Variants in KCNIP4 observed in about 807,000 individuals in gnomAD.
The protein encoded by KCNIP4 is Kv channel-interacting protein 4.
KCNIP4 carries 12 observed loss-of-function variants against 34.0 expected under a neutral mutation model. That is an observed-to-expected ratio of 0.35 (90% CI 0.23 to 0.57). The LOEUF (loss-of-function observed/expected upper bound fraction) is 0.57, where lower values mean the gene tolerates loss of function less well. Among genes scored for constraint, KCNIP4 ranks in the 20% least tolerant of loss-of-function variants. The pLI, the probability that KCNIP4 is intolerant of heterozygous loss-of-function variation, is 0.83. For missense variants in KCNIP4, 238 were observed against 311.7 expected, an observed-to-expected ratio of 0.76 and a Z score of 1.78; for synonymous variants, 124 against 102.2, an observed-to-expected ratio of 1.21 and a Z score of -1.29.
chr4:20,923,919 G>A (rs1439853852), intron 1 of KCNIP4, among the ~76,000 whole-genome samples: 1 of 151,886 alleles, frequency 6.6e-6, no homozygotes, highest in Non-Finnish European at 1.5e-5. Flanking sequence ...GTATATGTGT[G>A]GTGGCTTGTC....
At chr4:20,772,628 TTC>T (rs10582045) in intron 3 of KCNIP4, among the ~76,000 whole-genome samples, 58,640 of 151,094 alleles carry the variant, frequency 0.39, 12,002 homozygotes, top group Admixed American at 0.5. Flanking sequence ...TTTGTTCCCT[TTC>T]TCTCTCTCTT....
rs187584815 is a variant in KCNIP4 at position 21,568,835 on chromosome 4, C to T, written c.61+379736G>A. On this transcript the variant is annotated intron_variant, in intron 1 of 8. Coordinates refer to ENST00000382152, the MANE Select transcript of KCNIP4 (RefSeq NM_025221.6). The stretch of plus-strand genomic sequence containing the variant: ...CACTTCACCTTGTGACTGTGTGAGT[C>T]AATTCTAATAAAATCCTCTTCATAT... Among the ~76,000 whole-genome samples the T allele has an allele frequency of 4.6e-5, 7 of 152,172 alleles. No homozygotes were observed. The East Asian group carries it at 1.4e-3, about 30-fold the overall frequency.
intron 3 of KCNIP4, among the ~76,000 whole-genome samples, chr4:20,760,459 G>T (rs182148260): frequency 6.6e-6 from 1 of 152,178 alleles, no homozygotes; most frequent in Non-Finnish European, 1.5e-5. Flanking sequence ...ATTCCAGTGA[G>T]TCAGTTACTC....
At chr4:21,242,479 T>C (rs1356553870) in intron 1 of KCNIP4, among the ~76,000 whole-genome samples, 1 of 152,162 alleles carries the variant, frequency 6.6e-6, no homozygotes, top group East Asian at 1.9e-4. Flanking sequence ...CCAGATTAAA[T>C]GTCATTTCTG....
At chr4:21,852,646 A>C (rs1724484119) in intron 1 of KCNIP4, 1 of 152,218 alleles carries the variant, frequency 6.6e-6, no homozygotes, top group African/African-American at 2.4e-5. Flanking sequence ...GGGTGAGCCC[A>C]CAGAGTCACA....
intron 1 of KCNIP4, among the ~76,000 whole-genome samples, chr4:20,996,131 C>T (rs1737533909): frequency 6.6e-6 from 1 of 152,158 alleles, no homozygotes; most frequent in Non-Finnish European, 1.5e-5. Flanking sequence ...ATCCAATCAA[C>T]AAATCCCATT....
intron 1 of KCNIP4, among the ~76,000 whole-genome samples, chr4:21,060,455 G>A (rs1404682202): frequency 1.3e-5 from 2 of 152,236 alleles, no homozygotes; most frequent in South Asian, 4.1e-4. Flanking sequence ...GCTTCAATAA[G>A]ACATAGAAGG....
rs376255615 is a variant in KCNIP4 at position 21,553,921 on chromosome 4, C to T, written c.61+394650G>A. 1.1e-3 allele frequency among the ~76,000 whole-genome samples: 164 copies of T among 152,172 alleles called. 2 individuals carry two copies. In the South Asian group the frequency reaches 0.032, roughly 30 times the overall value. On this transcript the variant is annotated intron_variant, in intron 1 of 8. Coordinates refer to ENST00000382152, the MANE Select transcript of KCNIP4 (RefSeq NM_025221.6). ...CTAAAAAGTTCATTTTTCCAAATCA[C>T]CTTCACAGGTTTTCTCAGGCTTAAG...
At chr4:21,744,986 C>T (rs928127122) in intron 1 of KCNIP4, among the ~76,000 whole-genome samples, 60 of 152,026 alleles carry the variant, frequency 3.9e-4, no homozygotes, top group African/African-American at 1.4e-3. Flanking sequence ...CAAGTGAAAA[C>T]AGTTTTATGT....
At chr4:21,066,536 C>T (rs373178865) in intron 1 of KCNIP4, among the ~76,000 whole-genome samples, 1 of 152,168 alleles carries the variant, frequency 6.6e-6, no homozygotes, top group Non-Finnish European at 1.5e-5. Flanking sequence ...CCCCTCATCC[C>T]CTGGCATGTA....
intron 1 of KCNIP4, among the ~76,000 whole-genome samples, chr4:21,002,214 A>G (rs1738195140): frequency 6.6e-6 from 1 of 152,178 alleles, no homozygotes; most frequent in South Asian, 2.1e-4. Context: ...CTGGTTTTTC[A>G]CTGCACAAAG....
intron 1 of KCNIP4, among the ~76,000 whole-genome samples, chr4:21,230,125 A>G (rs904773490): frequency 3.3e-5 from 5 of 152,122 alleles, no homozygotes; most frequent in African/African-American, 7.2e-5. Flanking sequence ...AGAGAGACAC[A>G]CATGCAATAG....
chr4:21,035,838 T>C (rs999258398), intron 1 of KCNIP4, among the ~76,000 whole-genome samples: 1 of 152,152 alleles, frequency 6.6e-6, no homozygotes, highest in African/African-American at 2.4e-5. Flanking sequence ...AGGATGGCCC[T>C]TGCATTGATG....
At chr4:21,801,000 G>T (rs1367386690) in intron 1 of KCNIP4, among the ~76,000 whole-genome samples, 1 of 152,144 alleles carries the variant, frequency 6.6e-6, no homozygotes, top group Non-Finnish European at 1.5e-5. Context: ...CTCCGAGTCA[G>T]AAACTTTGCA....
At chr4:20,731,759 C>T (rs1748287901) in intron 8 of KCNIP4, 2 of 985,298 alleles carry the variant, frequency 2.0e-6, no homozygotes, top group African/African-American at 1.7e-5. Context: ...TGGGAATCAA[C>T]ACAGTACATG....
At chr4:20,815,366 C>A (rs1716249864) in intron 3 of KCNIP4, among the ~76,000 whole-genome samples, 1 of 152,122 alleles carries the variant, frequency 6.6e-6, no homozygotes, top group South Asian at 2.1e-4. Flanking sequence ...ACCCCTGCAC[C>A]ACTGAGGGAA....
chr4:21,441,433 G>A lies in KCNIP4; in HGVS notation c.61+507138C>T, dbSNP rs142253045. Among the ~76,000 whole-genome samples, 559 of 152,082 alleles carry A rather than the reference G, an allele frequency of 3.7e-3. 8 individuals carry two copies. The highest frequency in any genetic ancestry group is 6.0e-3 in the Non-Finnish European group (406 of 67,978). ...GCTGGGATTACAGGCATGAGCCATC[G>A]CGCCCGGCCACGACACCTTTCTTAA... is the stretch of plus-strand genomic sequence containing the variant. On this transcript the variant is annotated intron_variant, in intron 1 of 8. Transcript: ENST00000382152.
chr4:21,084,120 AG>A (rs1746222216), intron 1 of KCNIP4, among the ~76,000 whole-genome samples: 1 of 151,820 alleles, frequency 6.6e-6, no homozygotes, highest in South Asian at 2.1e-4. Context: ...AAAGAATAAA[AG>A]GTCATTTCTC....
chr4:20,784,989 G>A (rs1213731663), intron 3 of KCNIP4, among the ~76,000 whole-genome samples: 2 of 152,140 alleles, frequency 1.3e-5, no homozygotes, highest in African/African-American at 2.4e-5. Context: ...AGGCAAATAC[G>A]ATTTTCTGCA....
Sources: allele counts gnomAD v4.1 joint callset (sites outside exome capture counted in the v4.1 genomes callset), GRCh38; gene constraint gnomAD v4.1.1; transcripts MANE v1.5; gene names NCBI Gene and HGNC (gene_info 2026-07-23, HGNC 2026-07-21).